The following STMN2 variants were observed in gnomAD, a reference collection of about 807,000 sequenced individuals.
The protein encoded by STMN2 is stathmin 2.
In STMN2, 2 loss-of-function variants were observed where a neutral mutation model predicts 24.1. The ratio of observed to expected loss-of-function variants is 0.08; its 90% CI spans 0.03 to 0.26. The LOEUF (loss-of-function observed/expected upper bound fraction) is 0.26, where lower values mean the gene tolerates loss of function less well. STMN2 is among the 10% of genes least tolerant of loss of function. STMN2 has a pLI of 1.00. For synonymous variants in STMN2, 83 were observed against 77.5 expected (o/e 1.07, Z -0.37); for missense variants, 114 against 213.6 (o/e 0.53, Z 2.91).
intron 4 of STMN2, chr8:79,663,775 T>C: frequency 2.4e-6 from 2 of 821,846 alleles, no homozygotes; most frequent in Non-Finnish European, 3.5e-6. Context: ...AGTTTGATTT[T>C]AGTCATCTGA....
At chr8:79,613,451 C>T (rs1218442026) in intron 1 of STMN2, 4 of 985,352 alleles carry the variant, frequency 4.1e-6, no homozygotes, top group African/African-American at 1.7e-5. Context: ...TCCTGAGCTA[C>T]CCCCGCTTTC....
chr8:79,663,001 C>T (rs1187348157), intron 4 of STMN2, among the ~76,000 whole-genome samples: 2 of 152,030 alleles, frequency 1.3e-5, no homozygotes, highest in Non-Finnish European at 1.5e-5. Flanking sequence ...TGTGACATTT[C>T]CAAACAGGAT....
At chr8:79,632,156 C>T (rs57766605) in intron 1 of STMN2, among the ~76,000 whole-genome samples, 2,449 of 152,278 alleles carry the variant, frequency 0.016, 69 homozygotes, top group African/African-American at 0.057. Flanking sequence ...AGTTTAAAGA[C>T]ACCACTGCCT....
intron 1 of STMN2, among the ~76,000 whole-genome samples, chr8:79,634,210 T>A (rs1809883269): frequency 6.6e-6 from 1 of 152,360 alleles, no homozygotes; most frequent in Admixed American, 6.5e-5. Flanking sequence ...GTTCATGGAA[T>A]TAAATGTATT....
At chr8:79,656,076 C>G (rs1457253101) in intron 4 of STMN2, among the ~76,000 whole-genome samples, 3 of 152,166 alleles carry the variant, frequency 2.0e-5, no homozygotes, top group Non-Finnish European at 4.4e-5. Context: ...AAAACCTTAT[C>G]CTGAAGTTCT....
Position 79,665,772 on chromosome 8 carries a change from T to C in STMN2, c.*898T>C, listed in dbSNP as rs971200235. The C allele has an allele frequency of 1.3e-5, 2 of 153,398 alleles. No homozygotes were observed. Among genetic ancestry groups the C allele is most frequent in the Admixed American group, 6.5e-5 (1 of 15,296 alleles). The allele number at this position is 153,398 out of a possible 1,614,324, so 9.5% of individuals were successfully genotyped here. A position where few individuals can be genotyped will look rare whatever the true frequency, so the allele number is the denominator to read the frequency against. On this transcript the variant is annotated 3_prime_UTR_variant, in exon 5 of 5. Coordinates refer to ENST00000220876, the MANE Select transcript of STMN2 (RefSeq NM_007029.4). ...TCTTACCTATAGTACAAGTACATGA[T>C]GCTACTGAATATTTTTCCACTTGGA... is the stretch of plus-strand genomic sequence containing the variant.
chr8:79,665,845 A>G lies in STMN2; in HGVS notation c.*971A>G, dbSNP rs1171139453. Reference sequence around the variant, plus strand: ...TAAAACACACATACAAACAAAATCAAAAACACTGCGGACTTTCACTCAAGC... The same window carrying G: ...TAAAACACACATACAAACAAAATCAGAAACACTGCGGACTTTCACTCAAGC... On this transcript the variant is annotated 3_prime_UTR_variant, in exon 5 of 5. Coordinates refer to ENST00000220876, the MANE Select transcript of STMN2 (RefSeq NM_007029.4). 1 of 152,464 alleles carries G rather than the reference A, an allele frequency of 6.6e-6. No individual in the cohort carries two copies. Among genetic ancestry groups the G allele is most frequent in the Non-Finnish European group, 1.5e-5 (1 of 68,236 alleles). The allele number at this position is 152,464 out of a possible 1,614,324, so 9.4% of individuals were successfully genotyped here.
chr8:79,645,287 CATT>C (rs1300459868), intron 3 of STMN2, among the ~76,000 whole-genome samples: 1 of 152,000 alleles, frequency 6.6e-6, no homozygotes, highest in African/African-American at 2.4e-5. Flanking sequence ...ATATTCAAAA[CATT>C]ATTTCAATAT....
chr8:79,662,841 A>G (rs907600857), intron 4 of STMN2, among the ~76,000 whole-genome samples: 3 of 152,084 alleles, frequency 2.0e-5, no homozygotes, highest in Admixed American at 1.3e-4. Flanking sequence ...TTCCTAGCAT[A>G]GTGATGGTCT....
intron 3 of STMN2, among the ~76,000 whole-genome samples, chr8:79,651,876 CTG>C (rs767895907): frequency 2.6e-4 from 40 of 152,286 alleles, no homozygotes; most frequent in South Asian, 4.1e-4. Flanking sequence ...GCTCATGTCA[CTG>C]TGCCACAGGA....
chr8:79,613,351 C>G, intron 1 of STMN2: 1 of 982,504 alleles, frequency 1.0e-6, no homozygotes, highest in South Asian at 4.7e-5. Flanking sequence ...GCCAGCCCTG[C>G]AGAGCCCCGC....
At chr8:79,651,984 G>A (rs760004281) in intron 3 of STMN2, among the ~76,000 whole-genome samples, 13 of 152,238 alleles carry the variant, frequency 8.5e-5, no homozygotes, top group Non-Finnish European at 1.8e-4. Context: ...ATGGGAGGAG[G>A]AGCAGGAAGG....
chr8:79,617,651 C>T (rs372327478), intron 1 of STMN2, among the ~76,000 whole-genome samples: 3 of 152,184 alleles, frequency 2.0e-5, no homozygotes, highest in Admixed American at 6.5e-5. Context: ...TTCTGGCAGT[C>T]GGGCAGGGCT....
At chr8:79,650,679 G>T (rs948327308) in intron 3 of STMN2, among the ~76,000 whole-genome samples, 1 of 152,174 alleles carries the variant, frequency 6.6e-6, no homozygotes, top group African/African-American at 2.4e-5. Flanking sequence ...TGTGAAAAAG[G>T]AAGCGAGGTT....
At chr8:79,655,696 T>C (rs2130387122) in intron 4 of STMN2, among the ~76,000 whole-genome samples, 1 of 152,286 alleles carries the variant, frequency 6.6e-6, no homozygotes, top group East Asian at 1.9e-4. Flanking sequence ...GTGCTGGAGT[T>C]CTTCTGAAAA....
intron 3 of STMN2, among the ~76,000 whole-genome samples, chr8:79,653,333 C>T (rs1312116863): frequency 3.3e-5 from 5 of 152,068 alleles, no homozygotes; most frequent in South Asian, 2.1e-4. Context: ...GCAGAGATCA[C>T]GCCACTGTAC....
At chr8:79,653,517 A>C (rs990735693) in intron 3 of STMN2, among the ~76,000 whole-genome samples, 2 of 152,222 alleles carry the variant, frequency 1.3e-5, no homozygotes, top group African/African-American at 4.8e-5. Flanking sequence ...GAATAAACAC[A>C]TCAGTAAAGA....
At chr8:79,632,037 T>A (rs1418615717) in intron 1 of STMN2, among the ~76,000 whole-genome samples, 1 of 152,164 alleles carries the variant, frequency 6.6e-6, no homozygotes, top group African/African-American at 2.4e-5. Context: ...TCAAGTTTTT[T>A]AGAATCCATT....
At chr8:79,652,647 GATA>G (rs1328120855) in intron 3 of STMN2, among the ~76,000 whole-genome samples, 3 of 152,056 alleles carry the variant, frequency 2.0e-5, no homozygotes, top group South Asian at 2.1e-4. Context: ...TTTTGCTTTT[GATA>G]ATAATGATTA....
Sources: gnomAD v4.1 joint callset for allele counts (sites outside exome capture counted in the v4.1 genomes callset) on GRCh38, gnomAD v4.1.1 for gene constraint, MANE v1.5 for transcripts, NCBI Gene and HGNC (gene_info 2026-07-23, HGNC 2026-07-21) for gene names.